Variants in ACYP2 observed in about 807,000 individuals in gnomAD.
ACYP2 encodes the protein acylphosphatase 2.
Under a neutral mutation model 11.2 loss-of-function variants are expected in ACYP2, and 12 were observed. That is an observed-to-expected ratio of 1.08 (90% CI 0.69 to 1.74). ACYP2 has a LOEUF of 1.74. ACYP2 is among the 40% of genes most tolerant of loss of function. ACYP2 has a pLI of 0.00. For synonymous variants in ACYP2, 43 were observed against 32.2 expected (o/e 1.33, Z -1.13); for missense variants, 134 against 101.9 (o/e 1.31, Z -1.35).
At chr2:54,197,942 A>ATATTGTATTGTATTGTATTG (rs141209640) in intron 6 of ACYP2, among the ~76,000 whole-genome samples, 71 of 69,550 alleles carry the variant, frequency 1.0e-3, no homozygotes, top group East Asian at 3.4e-3. Context: ...TGTATGTATT[A>ATATTGTATTGTATTGTATTG]TATTGTATTG....
At chr2:54,257,669 G>A (rs1022919399) in intron 6 of ACYP2, among the ~76,000 whole-genome samples, 2 of 152,102 alleles carry the variant, frequency 1.3e-5, no homozygotes, top group South Asian at 2.1e-4. Context: ...AATAATAAAA[G>A]GAGAGAGAAA....
intron 6 of ACYP2, chr2:54,267,412 G>A: frequency 1.3e-6 from 2 of 1,489,516 alleles, no homozygotes; most frequent in Non-Finnish European, 1.8e-6. Flanking sequence ...ACATCCTAAA[G>A]TAAGGGGTGG....
intron 6 of ACYP2, among the ~76,000 whole-genome samples, chr2:54,226,070 G>A (rs974062128): frequency 6.6e-6 from 1 of 152,168 alleles, no homozygotes; most frequent in African/African-American, 2.4e-5. Context: ...AAGTTTGTGA[G>A]AAAATGAAGT....
chr2:54,259,832 G>A (rs1687705372), intron 6 of ACYP2, among the ~76,000 whole-genome samples: 1 of 152,196 alleles, frequency 6.6e-6, no homozygotes, highest in Non-Finnish European at 1.5e-5. Flanking sequence ...AAGTTTAAGA[G>A]AAAACAGGAA....
intron 6 of ACYP2, among the ~76,000 whole-genome samples, chr2:54,207,857 C>T (rs1048362496): frequency 2.6e-5 from 4 of 152,128 alleles, no homozygotes; most frequent in Non-Finnish European, 5.9e-5. Context: ...ACTCAGCTTT[C>T]AAGTTCTGTG....
intron 2 of ACYP2, among the ~76,000 whole-genome samples, chr2:53,975,529 TA>T (rs1365200513): frequency 6.6e-6 from 1 of 152,098 alleles, no homozygotes; most frequent in African/African-American, 2.4e-5. Flanking sequence ...TGCCAAAGGA[TA>T]ACAGCACGTT....
At chr2:54,226,224 C>G (rs1425601718) in intron 6 of ACYP2, among the ~76,000 whole-genome samples, 1 of 152,004 alleles carries the variant, frequency 6.6e-6, no homozygotes, top group Non-Finnish European at 1.5e-5. Flanking sequence ...ATCCCATATT[C>G]AAAATTGAAA....
At chr2:54,125,806 G>T (rs1680458173) in intron 4 of ACYP2, among the ~76,000 whole-genome samples, 1 of 152,032 alleles carries the variant, frequency 6.6e-6, no homozygotes, top group Non-Finnish European at 1.5e-5. Context: ...TTCAGGCTGG[G>T]CACAGTGGCT....
chr2:54,149,358 G>A (rs1297351178), intron 6 of ACYP2, among the ~76,000 whole-genome samples: 1 of 152,092 alleles, frequency 6.6e-6, no homozygotes, highest in African/African-American at 2.4e-5. Flanking sequence ...GGATGTGTGT[G>A]TTTTCTTCTT....
At chr2:54,285,006 C>T (rs1002868156) in intron 6 of ACYP2, among the ~76,000 whole-genome samples, 6 of 152,176 alleles carry the variant, frequency 3.9e-5, no homozygotes, top group African/African-American at 1.2e-4. Context: ...ATTTACTGCT[C>T]ACAGGTCTGG....
At chr2:54,065,854 A>G (rs957333230) in intron 4 of ACYP2, 1 of 219,030 alleles carries the variant, frequency 4.6e-6, no homozygotes, top group African/African-American at 2.3e-5. Flanking sequence ...GTCCACTATC[A>G]TCAGCACTTA....
intron 4 of ACYP2, among the ~76,000 whole-genome samples, chr2:54,123,574 C>A (rs1356059740): frequency 2.0e-5 from 3 of 152,068 alleles, no homozygotes; most frequent in Non-Finnish European, 2.9e-5. Flanking sequence ...ATTTCCATCA[C>A]CCCTCCTTCC....
intron 4 of ACYP2, chr2:54,123,196 C>T (rs888842773): frequency 2.0e-5 from 8 of 395,780 alleles, no homozygotes; most frequent in Admixed American, 4.4e-5. Flanking sequence ...AATGATACGC[C>T]TCCTCACAGA....
chr2:54,174,843 G>A (rs1431517440), intron 6 of ACYP2, among the ~76,000 whole-genome samples: 9 of 152,112 alleles, frequency 5.9e-5, no homozygotes, highest in Non-Finnish European at 1.3e-4. Flanking sequence ...ATTTGTGTAT[G>A]TTGAACCAGC....
At chr2:54,117,422 G>T (rs1295814969) in intron 4 of ACYP2, among the ~76,000 whole-genome samples, 1 of 152,164 alleles carries the variant, frequency 6.6e-6, no homozygotes, top group East Asian at 1.9e-4. Flanking sequence ...AGCCTTCTAA[G>T]CAGCTGGGAC....
intron 6 of ACYP2, among the ~76,000 whole-genome samples, chr2:54,232,528 G>C (rs1021374175): frequency 6.6e-6 from 1 of 152,204 alleles, no homozygotes; most frequent in Non-Finnish European, 1.5e-5. Flanking sequence ...TCATGGAGCA[G>C]GAGGTGAAAT....
At chr2:54,210,777 A>G (rs1432071163) in intron 6 of ACYP2, among the ~76,000 whole-genome samples, 1 of 152,048 alleles carries the variant, frequency 6.6e-6, no homozygotes, top group African/African-American at 2.4e-5. Context: ...TTGGAATAGC[A>G]GATTAAAGAT....
intron 6 of ACYP2, among the ~76,000 whole-genome samples, chr2:54,193,247 C>G (rs970330473): frequency 6.6e-5 from 10 of 152,136 alleles, no homozygotes; most frequent in African/African-American, 2.4e-4. Flanking sequence ...GTTCTAATAA[C>G]AGAAGAAGAA....
At chr2:54,155,470 G>A (rs113158442) in intron 6 of ACYP2, among the ~76,000 whole-genome samples, 3,349 of 152,294 alleles carry the variant, frequency 0.022, 110 homozygotes, top group African/African-American at 0.071. Flanking sequence ...AGCAGGAGGT[G>A]AGTGGCAGTA....
Sources: allele counts gnomAD v4.1 joint callset (sites outside exome capture counted in the v4.1 genomes callset), GRCh38; gene constraint gnomAD v4.1.1; transcripts MANE v1.5; gene names NCBI Gene and HGNC (gene_info 2026-07-23, HGNC 2026-07-21).